WLS: variants seen among roughly 807,000 people sequenced by gnomAD.
WLS encodes the protein protein wntless homolog.
A neutral mutation model predicts 62.8 loss-of-function variants in WLS; 23 were observed. That is an observed-to-expected ratio of 0.37 (90% confidence interval 0.26 to 0.52). The LOEUF is 0.52. Ranked by LOEUF, WLS falls within the 20% of genes least tolerant of loss-of-function variation. The probability of loss-of-function intolerance (pLI) is 0.92; values close to 1 mark genes in which losing one functional copy is unlikely to be tolerated. For missense variants in WLS, 615 were observed against 697.3 expected (o/e 0.88, Z 1.33); for synonymous variants, 246 against 244.1 (o/e 1.01, Z -0.07).
chr1:68,155,315 C>G (rs2820488), intron 3 of WLS, 55 bp from the exon 4 acceptor site: 292,870 of 1,555,488 alleles, frequency 0.19, 31,396 homozygotes, highest in African/African-American at 0.43. Context: ...TAGACTGGCT[C>G]TGAATTCTGT....
chr1:68,108,277 A>G (rs1646174676), intron 11 of WLS, among the ~76,000 whole-genome samples: 1 of 152,178 alleles, frequency 6.6e-6, no homozygotes, highest in South Asian at 2.1e-4. Context: ...TGGAAAAGGA[A>G]TCCTGTCTTT....
At chr1:68,228,403 T>C (rs1222862035) in intron 1 of WLS, 3 of 281,548 alleles carry the variant, frequency 1.1e-5, no homozygotes, top group East Asian at 1.0e-4. Context: ...TTGCACATAA[T>C]GGGATTCAAG....
At position 68,126,147 on chromosome 1, in the gene WLS, G is replaced by GCT; in HGVS notation, c.*77_*78dup. 1 of 1,568,380 alleles carries GCT rather than the reference G, an allele frequency of 6.4e-7. No homozygotes were observed. The highest frequency in any genetic ancestry group is 8.6e-7 in the Non-Finnish European group (1 of 1,157,512). On this transcript the variant is annotated 3_prime_UTR_variant, in exon 12 of 12. Coordinates refer to ENST00000262348, the MANE Select transcript of WLS (RefSeq NM_024911.7). ...CATGAGGCATTCATTTGTACATTGA[G>GCT]CTCTCTCTGGCATGCTCCCCACTCT...
intron 2 of WLS, among the ~76,000 whole-genome samples, chr1:68,185,181 C>T (rs1647848408): frequency 6.6e-6 from 1 of 152,148 alleles, no homozygotes; most frequent in Non-Finnish European, 1.5e-5. Context: ...AGCTCAGTCC[C>T]ATAAGACTGC....
intron 2 of WLS, among the ~76,000 whole-genome samples, chr1:68,174,158 C>T (rs190936230): frequency 1.5e-4 from 23 of 152,288 alleles, no homozygotes; most frequent in Non-Finnish European, 2.4e-4. Context: ...GCAGCTCTCC[C>T]GCAGCTCCAT....
chr1:68,106,181 A>G (rs973791947), intron 11 of WLS, among the ~76,000 whole-genome samples: 3 of 152,230 alleles, frequency 2.0e-5, no homozygotes, highest in African/African-American at 7.2e-5. Context: ...CATCCATAAT[A>G]TATATACTCT....
Position 68,153,511 on chromosome 1 carries a change from TCTTA to T in WLS, c.803+2_803+5del, listed in dbSNP as rs1429739715. ...TCCTGAAGAGCGCTCCAAAACCAGC[TCTTA>T]CTTTTCCAGAAGCACTGGGGGTCGG... On this transcript the variant is annotated splice_donor_variant and splice_donor_5th_base_variant and intron_variant, in intron 5 of 11. Coordinates refer to ENST00000262348, the MANE Select transcript of WLS (RefSeq NM_024911.7). LOFTEE classifies it high-confidence loss of function. 4.3e-6 allele frequency: 7 copies of T among 1,613,866 alleles called. No individual in the cohort carries two copies.
downstream of WLS, among the ~76,000 whole-genome samples, chr1:68,122,430 A>T (rs1646374755): frequency 6.6e-6 from 1 of 152,232 alleles, no homozygotes; most frequent in Non-Finnish European, 1.5e-5. Flanking sequence ...TTATTTCATT[A>T]CTATGGACAT....
chr1:68,180,664 G>A (rs139111806), intron 2 of WLS, among the ~76,000 whole-genome samples: 22 of 152,150 alleles, frequency 1.4e-4, no homozygotes, highest in African/African-American at 5.1e-4. Context: ...AAATAGCATG[G>A]GCTCCCAGAG....
intron 11 of WLS, among the ~76,000 whole-genome samples, chr1:68,131,972 CTG>C (rs1407690845): frequency 6.6e-6 from 1 of 152,200 alleles, no homozygotes; most frequent in African/African-American, 2.4e-5. Context: ...TAATATCAGA[CTG>C]TGAGAAAACA....
At chr1:68,216,677 T>C (rs976005520) in intron 1 of WLS, among the ~76,000 whole-genome samples, 1 of 151,920 alleles carries the variant, frequency 6.6e-6, no homozygotes, top group African/African-American at 2.4e-5. Context: ...CCAAAATTAA[T>C]CCAAAAAGCA....
intron 1 of WLS, among the ~76,000 whole-genome samples, chr1:68,225,178 G>T (rs1650092031): frequency 1.3e-5 from 2 of 151,946 alleles, no homozygotes; most frequent in South Asian, 4.2e-4. Context: ...TAGAATGTGG[G>T]GGGTGGGGGG....
At chr1:68,104,078 C>CT (rs1308321748) in intron 11 of WLS, among the ~76,000 whole-genome samples, 2 of 152,118 alleles carry the variant, frequency 1.3e-5, no homozygotes, top group African/African-American at 4.8e-5. Flanking sequence ...AGAGTCCCAC[C>CT]TTGAGGCACA....
chr1:68,103,912 T>G lies in WLS; in HGVS notation c.1511-5159A>C, dbSNP rs146529620. 1.2e-3 allele frequency among the ~76,000 whole-genome samples: 178 copies of G among 152,194 alleles called. 1 individual carries two copies. The highest frequency in any genetic ancestry group is 4.2e-3 in the African/African-American group (176 of 41,534). ...ATCTGCCTTAAATTGAACTGAAACATGGGGTGCTGGGGGCAGGGGACAATT... is the reference window on the plus strand; with the variant it reads ...ATCTGCCTTAAATTGAACTGAAACAGGGGGTGCTGGGGGCAGGGGACAATT... On this transcript the variant is annotated intron_variant, in intron 11 of 11. Coordinates refer to the WLS transcript ENST00000354777.
At chr1:68,126,369 A>G (rs1160959028) in intron 11 of WLS, 34 bp from the exon 12 acceptor site, 1 of 1,612,876 alleles carries the variant, frequency 6.2e-7, no homozygotes, top group South Asian at 1.1e-5. Context: ...GATGCATTCA[A>G]GGAGGAAGGA....
chr1:68,110,354 T>C (rs1190598137), intron 11 of WLS, among the ~76,000 whole-genome samples: 4 of 152,098 alleles, frequency 2.6e-5, no homozygotes, highest in African/African-American at 9.7e-5. Flanking sequence ...GTGAAACCAA[T>C]TGAAGAAATG....
At chr1:68,203,871 G>C (rs2100633047) in intron 1 of WLS, among the ~76,000 whole-genome samples, 1 of 152,278 alleles carries the variant, frequency 6.6e-6, no homozygotes, top group African/African-American at 2.4e-5. Context: ...AAACATTTGG[G>C]AAGTAAATGG....
intron 1 of WLS, among the ~76,000 whole-genome samples, chr1:68,205,469 G>T (rs963952728): frequency 5.9e-5 from 9 of 152,172 alleles, no homozygotes; most frequent in African/African-American, 1.9e-4. Flanking sequence ...GATAACTGCT[G>T]TTCAGCATAG....
In WLS at chr1:68,145,903, G is replaced by A; in HGVS notation, c.1244C>T (p.Pro415Leu). 6.2e-7 allele frequency: 1 copy of A among 1,614,154 alleles called. No homozygotes were observed. The highest frequency in any genetic ancestry group is 8.5e-7 in the Non-Finnish European group (1 of 1,180,028). The change falls in exon 9 of 12, where the codon CCA (proline) becomes CTA (leucine). Residue 415 changes from proline (P) to leucine (L), a missense_variant. Pro to Leu is a moderately conservative substitution (Grantham distance 98, BLOSUM62 -3). Coordinates refer to ENST00000262348, the MANE Select transcript of WLS (RefSeq NM_024911.7). Reference protein sequence around the residue: ...RNISGKQSSLPAMSKVRRLHY... With the variant: ...RNISGKQSSLLAMSKVRRLHY... ...TAGCCGCCGGACTTTGCTCATAGCT[G>A]GCAGGCTGGACTGCTTCCCACTGAT... is the stretch of plus-strand genomic sequence containing the variant.
Sources: allele counts gnomAD v4.1 joint callset (sites outside exome capture counted in the v4.1 genomes callset), GRCh38; gene constraint gnomAD v4.1.1; transcripts MANE v1.5; gene names NCBI Gene and HGNC (gene_info 2026-07-23, HGNC 2026-07-21).